Variants in GIGYF2 observed in about 807,000 individuals in gnomAD.
GIGYF2 encodes GRB10 interacting GYF protein 2.
A neutral mutation model predicts 208.1 loss-of-function variants in GIGYF2; 25 were observed. The ratio of observed to expected loss-of-function variants is 0.12; its 90% CI spans 0.09 to 0.17. GIGYF2 has a LOEUF of 0.17. GIGYF2 is among the 10% of genes least tolerant of loss of function. GIGYF2 has a pLI of 1.00. For missense variants in GIGYF2, 1,302 were observed against 1,579.4 expected, an observed-to-expected ratio of 0.82 and a Z score of 2.98; for synonymous variants, 534 against 543.8, an observed-to-expected ratio of 0.98 and a Z score of 0.25.
At chr2:232,851,413 A>ATTTTTTTTTTTT (rs5839451) in intron 28 of GIGYF2, among the ~76,000 whole-genome samples, 26 of 149,150 alleles carry the variant, frequency 1.7e-4, no homozygotes, top group Non-Finnish European at 2.2e-4. Context: ...TGAAACTAAC[A>ATTTTTTTTTTTT]TTTTTTTTTT....
chr2:232,797,307 T>C (rs1459928433), intron 14 of GIGYF2, among the ~76,000 whole-genome samples: 1 of 152,176 alleles, frequency 6.6e-6, no homozygotes, highest in African/African-American at 2.4e-5. Context: ...TTCATATTAG[T>C]GTAATTTTAG....
At position 232,844,483 on chromosome 2, in the gene GIGYF2, A is replaced by G. The variant is rs1021048273; in HGVS notation, c.3214A>G (p.Lys1072Glu). The G allele has an allele frequency of 1.9e-6, 3 of 1,612,262 alleles. No homozygotes were observed. Among genetic ancestry groups the G allele is most frequent in the African/African-American group, 1.3e-5 (1 of 74,884 alleles). Residue 1072 changes from lysine (K) to glutamate (E), a missense_variant, in exon 25 of 29, where the codon AAA becomes GAA. This residue lies in a region of GIGYF2 where 701 missense variants were observed against 793.0 expected (regional missense o/e 0.88). Transcript: ENST00000373563. ...VSSIWSNADT[K>E]NSNMGFWDDA... ...TAGTATTTGGAGTAATGCTGACACT[A>G]AAAACTCCAACATGGGATTCTGGGA...
At chr2:232,850,681 C>G (rs1050408261) in intron 28 of GIGYF2, among the ~76,000 whole-genome samples, 1 of 152,068 alleles carries the variant, frequency 6.6e-6, no homozygotes, top group Non-Finnish European at 1.5e-5. Flanking sequence ...ATATGAATTT[C>G]CCTGGAGGAT....
At chr2:232,704,856 AT>A (rs10689292) in intron 2 of GIGYF2, among the ~76,000 whole-genome samples, 257 of 101,948 alleles carry the variant, frequency 2.5e-3, no homozygotes, top group Non-Finnish European at 3.3e-3. Flanking sequence ...TAACTTCTGG[AT>A]TTTTTTTTTT....
chr2:232,719,847 A>T (rs13004406), intron 2 of GIGYF2, among the ~76,000 whole-genome samples: 48,996 of 152,018 alleles, frequency 0.32, 8,252 homozygotes, highest in South Asian at 0.62. Context: ...GAAGTCACTT[A>T]TGTGTAATTT....
chr2:232,732,120 G>A (rs529497697), intron 2 of GIGYF2, among the ~76,000 whole-genome samples: 1 of 152,254 alleles, frequency 6.6e-6, no homozygotes, highest in Non-Finnish European at 1.5e-5. Context: ...TGGTGATGCA[G>A]TAGTTAAGGG....
intron 28 of GIGYF2, among the ~76,000 whole-genome samples, chr2:232,856,066 G>A (rs961575223): frequency 6.6e-6 from 1 of 151,964 alleles, no homozygotes; most frequent in East Asian, 1.9e-4. Context: ...GAGTAGCTGG[G>A]ACTACAGGTG....
At chr2:232,856,684 C>T (rs1473341990) in intron 28 of GIGYF2, 109 bp from the exon 29 acceptor site, 3 of 801,936 alleles carry the variant, frequency 3.7e-6, no homozygotes, top group East Asian at 2.4e-5. Context: ...AGAGTGAAAC[C>T]CTGTCTCACA....
Position 232,806,218 on chromosome 2 carries a change from C to A in GIGYF2, c.1640-273C>A, listed in dbSNP as rs1218641873. Among the ~76,000 whole-genome samples the A allele has an allele frequency of 6.6e-6, 1 of 152,168 alleles. No individual in the cohort carries two copies. The highest frequency in any genetic ancestry group is 1.5e-5 in the Non-Finnish European group (1 of 68,022). ...TCAATTGTATCATACTTTACTGACA[C>A]ATGAATTGTTGTAGAGATTGAGATA... On this transcript the variant is annotated intron_variant, in intron 14 of 28. Transcript: ENST00000373563. This position sits in a 1 kb window ranked among gnomAD's most constrained non-coding sequence, Gnocchi z 4.0.
chr2:232,848,353 C>T (rs551625505), intron 27 of GIGYF2, among the ~76,000 whole-genome samples: 1 of 152,254 alleles, frequency 6.6e-6, no homozygotes, highest in African/African-American at 2.4e-5. Context: ...CCACTTTACA[C>T]AGCGAAATCT....
At chr2:232,845,089 C>A (rs1278051155) in intron 25 of GIGYF2, among the ~76,000 whole-genome samples, 1 of 152,178 alleles carries the variant, frequency 6.6e-6, no homozygotes, top group Non-Finnish European at 1.5e-5. Context: ...CAAATCCCAG[C>A]ACTACCACTT....
chr2:232,734,493 G>A (rs1697646750), intron 2 of GIGYF2: 1 of 152,174 alleles, frequency 6.6e-6, no homozygotes, highest in Non-Finnish European at 1.5e-5. Context: ...ACAGGTATGA[G>A]CCACCTTGCC....
chr2:232,824,813 C>T (rs894888241), intron 21 of GIGYF2, among the ~76,000 whole-genome samples: 7 of 152,252 alleles, frequency 4.6e-5, no homozygotes, highest in African/African-American at 7.2e-5. Context: ...GAAGTCAGTG[C>T]GTGGCTTCAA....
chr2:232,768,472 C>T (rs929557852), intron 8 of GIGYF2: 2 of 1,614,048 alleles, frequency 1.2e-6, no homozygotes, highest in Non-Finnish European at 1.7e-6. Context: ...AGGAATACAA[C>T]TAATTCAAAG....
At chr2:232,726,849 A>C (rs1337068991) in intron 2 of GIGYF2, among the ~76,000 whole-genome samples, 3 of 152,256 alleles carry the variant, frequency 2.0e-5, no homozygotes, top group Admixed American at 2.0e-4. Flanking sequence ...CTGTGATTTT[A>C]CAAGTCTGTC....
In GIGYF2 at chr2:232,806,246, G is replaced by A. The variant is rs1362822240; in HGVS notation, c.1640-245G>A. On this transcript the variant is annotated intron_variant, in intron 14 of 28. Coordinates refer to ENST00000373563, the MANE Select transcript of GIGYF2 (RefSeq NM_001103146.3). The surrounding 1 kb of genome is among the most constrained non-coding windows in gnomAD (Gnocchi z 4.0). Reference sequence around the variant, plus strand: ...GAATTGTTGTAGAGATTGAGATAGAGACAGTTATGCTCCTTATAATTGAAG... The same window carrying A: ...GAATTGTTGTAGAGATTGAGATAGAAACAGTTATGCTCCTTATAATTGAAG... Among the ~76,000 whole-genome samples, 1 of 152,324 alleles carries A rather than the reference G, an allele frequency of 6.6e-6. No homozygotes were observed. Among genetic ancestry groups the A allele is most frequent in the South Asian group, 2.1e-4 (1 of 4,832 alleles).
In GIGYF2 at chr2:232,833,014, T is replaced by C; in HGVS notation, c.2687T>C (p.Met896Thr). Residue 896 changes from methionine (M) to threonine (T), a missense_variant, in exon 22 of 29, where the codon ATG (methionine) becomes ACG (threonine). Met to Thr is a moderately conservative substitution (Grantham distance 81). This residue lies in a region of GIGYF2 where 701 missense variants were observed against 793.0 expected (regional missense o/e 0.88). Coordinates refer to ENST00000373563, the MANE Select transcript of GIGYF2 (RefSeq NM_001103146.3). ...GAGGTCCAGCGGCAGAAGGAGTTAATGCGCCAGAGGCAGCAGCAGCAAGAG... is the reference window on the plus strand; with the variant it reads ...GAGGTCCAGCGGCAGAAGGAGTTAACGCGCCAGAGGCAGCAGCAGCAAGAG... ...ELEVQRQKEL[M>T]RQRQQQQEAL... 5 of 1,570,064 alleles carry C rather than the reference T, an allele frequency of 3.2e-6. No homozygotes were observed. The highest frequency in any genetic ancestry group is 4.3e-6 in the Non-Finnish European group (5 of 1,157,262).
intron 27 of GIGYF2, 83 bp downstream of exon 27, chr2:232,847,654 C>A: frequency 6.4e-7 from 1 of 1,554,702 alleles, no homozygotes; most frequent in Non-Finnish European, 8.8e-7. Flanking sequence ...AAAATTAATA[C>A]AAAGGTACCA....
chr2:232,846,021 A>T, intron 26 of GIGYF2, 135 bp downstream of exon 26: 1 of 706,846 alleles, frequency 1.4e-6, no homozygotes, highest in Non-Finnish European at 2.6e-6. Context: ...TGCCATAGGA[A>T]CTTGACTCTT....
Sources: gnomAD v4.1 joint callset for allele counts (sites outside exome capture counted in the v4.1 genomes callset) on GRCh38, gnomAD v4.1.1 for gene constraint, gnomAD v4.1.1 regional missense constraint, Gnocchi (gnomAD v3.1) non-coding constraint, MANE v1.5 for transcripts, NCBI Gene and HGNC (gene_info 2026-07-23, HGNC 2026-07-21) for gene names.